NRXN1: variants seen among roughly 807,000 people sequenced by gnomAD.
The protein encoded by NRXN1 is neurexin 1, also known as neurexin-1.
NRXN1 carries 39 observed loss-of-function variants against 150.9 expected under a neutral mutation model. That is an observed-to-expected ratio of 0.26 (90% CI 0.20 to 0.34). The LOEUF (loss-of-function observed/expected upper bound fraction) is 0.34, where lower values mean the gene tolerates loss of function less well. Ranked by LOEUF, NRXN1 falls within the 10% of genes least tolerant of loss-of-function variation. The pLI, the probability that NRXN1 is intolerant of heterozygous loss-of-function variation, is 1.00. For missense variants in NRXN1, 1,815 were observed against 1,949.9 expected, an observed-to-expected ratio of 0.93 and a Z score of 1.30; for synonymous variants, 924 against 757.0, an observed-to-expected ratio of 1.22 and a Z score of -3.62.
chr2:50,246,258 AT>A (rs2152892410), intron 17 of NRXN1, among the ~76,000 whole-genome samples: 1 of 151,970 alleles, frequency 6.6e-6, no homozygotes, highest in Non-Finnish European at 1.5e-5. Flanking sequence ...AATTTTCCTT[AT>A]TTTTACCACA....
At chr2:50,402,834 CCTGTAAATTGCAATTAGTAATAA>C (rs2082484943) in intron 17 of NRXN1, among the ~76,000 whole-genome samples, 1 of 151,980 alleles carries the variant, frequency 6.6e-6, no homozygotes, top group Non-Finnish European at 1.5e-5. Flanking sequence ...TCAACTCCTC[CCTGTAAATTGCAATTAGTAATAA>C]TAATAAATGA....
At chr2:49,986,490 G>A (rs1680932383) in intron 21 of NRXN1, among the ~76,000 whole-genome samples, 2 of 152,014 alleles carry the variant, frequency 1.3e-5, no homozygotes, top group South Asian at 4.1e-4. Context: ...GAAGACTGGG[G>A]CTCATATTTG....
At chr2:50,539,342 T>G (rs992450311) in intron 9 of NRXN1, among the ~76,000 whole-genome samples, 1 of 152,216 alleles carries the variant, frequency 6.6e-6, no homozygotes, top group African/African-American at 2.4e-5. Flanking sequence ...GCTTCCTTAT[T>G]TGTAAACCAA....
intron 5 of NRXN1, among the ~76,000 whole-genome samples, chr2:50,660,358 T>C (rs1037586667): frequency 6.6e-6 from 1 of 152,018 alleles, no homozygotes; most frequent in Admixed American, 6.6e-5. Context: ...CTAAGTTGCC[T>C]GCCTTCACCC....
At chr2:50,018,915 T>C (rs1687056950) in intron 21 of NRXN1, among the ~76,000 whole-genome samples, 1 of 152,174 alleles carries the variant, frequency 6.6e-6, no homozygotes, top group Non-Finnish European at 1.5e-5. Context: ...CTGTGTCTCA[T>C]TTGGGATGAA....
chr2:50,003,503 TTCC>T (rs1392908617), intron 21 of NRXN1, among the ~76,000 whole-genome samples: 5 of 152,128 alleles, frequency 3.3e-5, no homozygotes, highest in Admixed American at 6.6e-5. Flanking sequence ...GCTATATTCA[TTCC>T]TCCTAATTTG....
intron 17 of NRXN1, among the ~76,000 whole-genome samples, chr2:50,291,359 C>G (rs1410847359): frequency 1.3e-5 from 2 of 152,040 alleles, no homozygotes; most frequent in African/African-American, 4.8e-5. Context: ...AGATTTTATC[C>G]TTAACTGCTT....
chr2:50,105,840 G>C lies in NRXN1; in HGVS notation c.3547-14346C>G, dbSNP rs182852449. On this transcript the variant is annotated intron_variant, in intron 18 of 22. Transcript: ENST00000401669. ...GTTGTATCAAAAAAGCCACTGCATG[G>C]TACTATTACATACATAGTTTATATG... Among the ~76,000 whole-genome samples the C allele has an allele frequency of 1.8e-3, 269 of 151,820 alleles. 4 individuals are homozygous for C. Among genetic ancestry groups the C allele is most frequent in the Admixed American group, 0.015 (230 of 15,224 alleles).
intron 5 of NRXN1, among the ~76,000 whole-genome samples, chr2:50,697,261 T>G (rs1000601569): frequency 6.6e-6 from 1 of 152,160 alleles, no homozygotes; most frequent in Non-Finnish European, 1.5e-5. Context: ...CAGGAAAAGT[T>G]TTTTTAGAAA....
chr2:50,408,630 T>C (rs1325312114), intron 17 of NRXN1, among the ~76,000 whole-genome samples: 1 of 152,198 alleles, frequency 6.6e-6, no homozygotes, highest in Non-Finnish European at 1.5e-5. Context: ...GTCCCCCTAA[T>C]TTGGCTGTAA....
At chr2:50,326,587 T>C (rs1358191954) in intron 17 of NRXN1, among the ~76,000 whole-genome samples, 1 of 152,178 alleles carries the variant, frequency 6.6e-6, no homozygotes, top group African/African-American at 2.4e-5. Context: ...ATTTGAAGTT[T>C]TCACCTGCAA....
intron 10 of NRXN1, 61 bp from the exon 11 acceptor site, chr2:50,531,491 G>A (rs749581875): frequency 8.0e-7 from 1 of 1,250,230 alleles, no homozygotes; most frequent in Non-Finnish European, 1.1e-6. Flanking sequence ...ATACTTTAAA[G>A]AGGAAAAGGA....
chr2:50,351,539 G>A (rs1446229659), intron 17 of NRXN1, among the ~76,000 whole-genome samples: 3 of 152,102 alleles, frequency 2.0e-5, no homozygotes. Flanking sequence ...GGCAAGATGC[G>A]TGAATTAACT....
At chr2:50,463,632 G>A (rs752970969) in intron 17 of NRXN1, among the ~76,000 whole-genome samples, 17 of 151,636 alleles carry the variant, frequency 1.1e-4, no homozygotes, top group Admixed American at 2.0e-4. Flanking sequence ...AAAATCATTC[G>A]AAGACAGCAT....
At chr2:50,907,410 T>A (rs745512805) in intron 5 of NRXN1, among the ~76,000 whole-genome samples, 12 of 152,140 alleles carry the variant, frequency 7.9e-5, no homozygotes, top group Non-Finnish European at 1.6e-4. Flanking sequence ...TATACTTTTC[T>A]CTTGTTAATC....
chr2:50,154,229 A>AT (rs2058873632), intron 18 of NRXN1, among the ~76,000 whole-genome samples: 1 of 151,716 alleles, frequency 6.6e-6, no homozygotes, highest in Admixed American at 6.6e-5. Context: ...AAAGATCTGA[A>AT]TAAAAAAAAG....
chr2:50,494,973 G>A (rs1470696324), intron 15 of NRXN1, among the ~76,000 whole-genome samples: 1 of 151,138 alleles, frequency 6.6e-6, no homozygotes, highest in African/African-American at 2.4e-5. Flanking sequence ...AGAGACTGAA[G>A]TGAGCCGAGA....
chr2:50,830,732 A>C (rs1441270889), intron 5 of NRXN1, among the ~76,000 whole-genome samples: 1 of 149,854 alleles, frequency 6.7e-6, no homozygotes, highest in Non-Finnish European at 1.5e-5. Context: ...CTAGATTCCT[A>C]TAAGAGGTCT....
intron 5 of NRXN1, among the ~76,000 whole-genome samples, chr2:50,920,576 C>T (rs145687472): frequency 6.6e-6 from 1 of 151,684 alleles, no homozygotes; most frequent in Non-Finnish European, 1.5e-5. Flanking sequence ...ATATTCTTCC[C>T]TCTATGCCAT....
Sources: allele counts gnomAD v4.1 joint callset (sites outside exome capture counted in the v4.1 genomes callset), GRCh38; gene constraint gnomAD v4.1.1; transcripts MANE v1.5; gene names NCBI Gene and HGNC (gene_info 2026-07-23, HGNC 2026-07-21).